Variants in PTPRD observed in about 807,000 individuals in gnomAD.
PTPRD encodes protein tyrosine phosphatase receptor type D.
In PTPRD, 34 loss-of-function variants were observed where a neutral mutation model predicts 214.5. The observed-to-expected ratio is 0.16, with a 90% CI of 0.12 to 0.21. The LOEUF (loss-of-function observed/expected upper bound fraction) is 0.21. Among genes scored for constraint, PTPRD ranks in the 10% least tolerant of loss-of-function variants. The pLI is 1.00. For synonymous variants in PTPRD, 1,128 were observed against 845.7 expected, an observed-to-expected ratio of 1.33 and a Z score of -5.79; for missense variants, 2,545 against 2,398.7, an observed-to-expected ratio of 1.06 and a Z score of -1.27.
intron 2 of PTPRD, among the ~76,000 whole-genome samples, chr9:10,378,162 A>G (rs61632250): frequency 0.032 from 4,917 of 152,144 alleles, 102 homozygotes; most frequent in East Asian, 0.071. Context: ...CTGATGATCA[A>G]TGATGGTGAA....
At chr9:9,321,843 C>A (rs1966729917) in intron 9 of PTPRD, among the ~76,000 whole-genome samples, 1 of 152,094 alleles carries the variant, frequency 6.6e-6, no homozygotes, top group Non-Finnish European at 1.5e-5. Context: ...GGTTAGCACA[C>A]AGCAAGAGCT....
chr9:10,457,954 A>G (rs1362618393), intron 2 of PTPRD, among the ~76,000 whole-genome samples: 2 of 152,036 alleles, frequency 1.3e-5, no homozygotes, highest in South Asian at 2.1e-4. Context: ...TTGATAAATT[A>G]GAGAAAATTG....
chr9:8,445,960 C>T (rs1365039147), intron 34 of PTPRD, among the ~76,000 whole-genome samples: 1 of 152,142 alleles, frequency 6.6e-6, no homozygotes, highest in Non-Finnish European at 1.5e-5. Flanking sequence ...TTAAGGTGCT[C>T]TGTACAGATT....
chr9:10,605,931 GACA>G (rs1274936099), intron 2 of PTPRD, among the ~76,000 whole-genome samples: 8 of 151,782 alleles, frequency 5.3e-5, no homozygotes, highest in African/African-American at 1.7e-4. Context: ...ATTCTGACTT[GACA>G]ACATTTACAA....
At chr9:10,224,320 A>T (rs2099581579) in intron 3 of PTPRD, among the ~76,000 whole-genome samples, 1 of 152,044 alleles carries the variant, frequency 6.6e-6, no homozygotes, top group South Asian at 2.1e-4. Flanking sequence ...ATTTGTATGG[A>T]TTAGAATTAT....
At position 9,715,498 on chromosome 9, in the gene PTPRD, C is replaced by T. The variant is rs550667704; in HGVS notation, c.-287+19035G>A. Among the ~76,000 whole-genome samples, 10 of 151,968 alleles carry T rather than the reference C, an allele frequency of 6.6e-5. No individual in the cohort carries two copies. In the South Asian group the frequency reaches 2.1e-3, roughly 32 times the overall value. On this transcript the variant is annotated intron_variant, in intron 7 of 45. Transcript: ENST00000381196. Reference sequence around the variant, plus strand: ...AAAAAAATAAAAAATATATTTTCTACAACAAAAAAAATTAAGATGGACAGT... The same window carrying T: ...AAAAAAATAAAAAATATATTTTCTATAACAAAAAAAATTAAGATGGACAGT...
intron 2 of PTPRD, among the ~76,000 whole-genome samples, chr9:10,491,702 T>G (rs2040306075): frequency 6.6e-6 from 1 of 152,006 alleles, no homozygotes; most frequent in Non-Finnish European, 1.5e-5. Flanking sequence ...GCCACAATTT[T>G]CAGGGTTTCT....
intron 11 of PTPRD, among the ~76,000 whole-genome samples, chr9:8,915,218 CGAG>C (rs2098776365): frequency 6.6e-6 from 1 of 151,934 alleles, no homozygotes; most frequent in African/African-American, 2.4e-5. Flanking sequence ...GTGTGTGTGA[CGAG>C]GAGGCATCAT....
intron 11 of PTPRD, among the ~76,000 whole-genome samples, chr9:8,929,234 A>T (rs1331540905): frequency 6.6e-6 from 1 of 152,008 alleles, no homozygotes; most frequent in Non-Finnish European, 1.5e-5. Flanking sequence ...TGTTTAATAG[A>T]AGTAGTGAGG....
intron 7 of PTPRD, among the ~76,000 whole-genome samples, chr9:9,658,724 A>T (rs2096568274): frequency 6.6e-6 from 1 of 152,144 alleles, no homozygotes; most frequent in African/African-American, 2.4e-5. Flanking sequence ...GGTCATTATC[A>T]CTAGTACTCT....
Position 9,445,671 on chromosome 9 carries a change from G to T in PTPRD, c.-236-48189C>A, listed in dbSNP as rs1018476241. 4.6e-5 allele frequency among the ~76,000 whole-genome samples: 7 copies of T among 152,028 alleles called. No individual in the cohort carries two copies. The South Asian group carries it at 6.2e-4, about 14-fold the overall frequency. ...CTCATGAGAATTCAATCACTATCAC[G>T]AGAACAGCGGCATGGGGTAAATGCC... is the stretch of plus-strand genomic sequence containing the variant. On this transcript the variant is annotated intron_variant, in intron 8 of 45. Coordinates refer to ENST00000381196, the MANE Select transcript of PTPRD (RefSeq NM_002839.4).
chr9:8,767,658 G>C (rs918101518), intron 11 of PTPRD, among the ~76,000 whole-genome samples: 3 of 152,138 alleles, frequency 2.0e-5, no homozygotes, highest in African/African-American at 7.2e-5. Context: ...TCTCAAACTT[G>C]ACCATACAAT....
At chr9:10,127,118 G>A (rs998631712) in intron 3 of PTPRD, among the ~76,000 whole-genome samples, 6 of 152,040 alleles carry the variant, frequency 3.9e-5, no homozygotes, top group African/African-American at 1.4e-4. Flanking sequence ...TATCCTTACT[G>A]TGCTGCTGTA....
chr9:9,452,633 C>T (rs1189173632), intron 8 of PTPRD, among the ~76,000 whole-genome samples: 2 of 151,228 alleles, frequency 1.3e-5, no homozygotes, highest in East Asian at 1.9e-4. Flanking sequence ...TCTTAAATTA[C>T]TTTGAGCATT....
intron 5 of PTPRD, among the ~76,000 whole-genome samples, chr9:9,917,432 T>C (rs1018119826): frequency 1.5e-5 from 2 of 136,668 alleles, no homozygotes; most frequent in Admixed American, 1.6e-4. Flanking sequence ...CCAATACATT[T>C]TAAAATCCAG....
At chr9:10,450,650 C>T (rs534287022) in intron 2 of PTPRD, among the ~76,000 whole-genome samples, 16 of 152,062 alleles carry the variant, frequency 1.1e-4, no homozygotes, top group Non-Finnish European at 2.1e-4. Flanking sequence ...ATATATTTTA[C>T]TGTCTTGTTG....
At position 9,998,479 on chromosome 9, in the gene PTPRD, A is replaced by G. The variant is rs372058161; in HGVS notation, c.-472+35239T>C. Among the ~76,000 whole-genome samples, 19 of 152,112 alleles carry G rather than the reference A, an allele frequency of 1.2e-4. 1 individual carries two copies. In the South Asian group the frequency reaches 4.0e-3, roughly 32 times the overall value. The stretch of plus-strand genomic sequence containing the variant: ...ATAGCATGACCTTAAGGGGCATCTC[A>G]AGAAAAACTCTAATCCAATATTTTT... On this transcript the variant is annotated intron_variant, in intron 4 of 45. Transcript: ENST00000381196.
chr9:9,411,546 T>C (rs2075435398), intron 8 of PTPRD, among the ~76,000 whole-genome samples: 1 of 152,166 alleles, frequency 6.6e-6, no homozygotes, highest in South Asian at 2.1e-4. Context: ...CTAGGCATCA[T>C]TGAAATCATT....
At chr9:8,856,204 A>T (rs2097912761) in intron 11 of PTPRD, among the ~76,000 whole-genome samples, 1 of 5,052 alleles carries the variant, frequency 2.0e-4, no homozygotes, top group African/African-American at 2.2e-4. Flanking sequence ...ACTTAATCTT[A>T]AGTTATTATC....
Sources: allele counts gnomAD v4.1 joint callset (sites outside exome capture counted in the v4.1 genomes callset), GRCh38; gene constraint gnomAD v4.1.1; transcripts MANE v1.5; gene names NCBI Gene and HGNC (gene_info 2026-07-23, HGNC 2026-07-21).